Variants in PDS5B observed in about 807,000 individuals in gnomAD.
The protein encoded by PDS5B is sister chromatid cohesion protein PDS5 homolog B.
A neutral mutation model predicts 184.1 loss-of-function variants in PDS5B; 51 were observed. The ratio of observed to expected loss-of-function variants is 0.28; its 90% CI spans 0.22 to 0.35. The LOEUF (loss-of-function observed/expected upper bound fraction) is 0.35, where lower values mean the gene tolerates loss of function less well. Ranked by LOEUF, PDS5B falls within the 10% of genes least tolerant of loss-of-function variation. The pLI is 1.00. For missense variants in PDS5B, 1,180 were observed against 1,723.3 expected, an observed-to-expected ratio of 0.68 and a Z score of 5.58; for synonymous variants, 566 against 569.2, an observed-to-expected ratio of 0.99 and a Z score of 0.08.
intron 15 of PDS5B, among the ~76,000 whole-genome samples, chr13:32,697,574 T>G (rs1951741698): frequency 6.6e-6 from 1 of 152,220 alleles, no homozygotes. Flanking sequence ...CTCACTGGTT[T>G]TTGGATTAAG....
intron 24 of PDS5B, among the ~76,000 whole-genome samples, chr13:32,749,254 C>G (rs1352965250): frequency 2.0e-5 from 3 of 152,162 alleles, no homozygotes; most frequent in Non-Finnish European, 4.4e-5. Context: ...TTCCACACAT[C>G]CAACCTAACC....
At chr13:32,758,689 T>TA in intron 28 of PDS5B, 36 bp downstream of exon 28, 1 of 1,602,770 alleles carries the variant, frequency 6.2e-7, no homozygotes, top group Non-Finnish European at 8.5e-7. Flanking sequence ...TAAGTTGAAA[T>TA]AAAATGTATT....
intron 1 of PDS5B, among the ~76,000 whole-genome samples, chr13:32,632,463 A>G (rs2058473293): frequency 6.6e-6 from 1 of 152,236 alleles, no homozygotes; most frequent in East Asian, 1.9e-4. Context: ...TAATGAGGTT[A>G]CACTGCATAC....
intron 1 of PDS5B, among the ~76,000 whole-genome samples, chr13:32,642,010 TA>T (rs150350509): frequency 8.4e-4 from 128 of 152,300 alleles, no homozygotes; most frequent in African/African-American, 3.0e-3. Flanking sequence ...AATATTTAAA[TA>T]AATGGCCTTC....
chr13:32,735,127 G>T, intron 20 of PDS5B, 45 bp from the exon 21 acceptor site: 2 of 1,202,154 alleles, frequency 1.7e-6, no homozygotes, highest in South Asian at 1.9e-5. Context: ...CAGTTTATTT[G>T]TATATGTGTA....
intron 19 of PDS5B, among the ~76,000 whole-genome samples, chr13:32,728,399 A>AT (rs991825326): frequency 1.3e-5 from 2 of 151,890 alleles, no homozygotes; most frequent in African/African-American, 4.8e-5. Context: ...TGTTGAGGGA[A>AT]TTTTTTGTCT....
chr13:32,750,879 G>A (rs1953957513), intron 24 of PDS5B, among the ~76,000 whole-genome samples: 1 of 150,640 alleles, frequency 6.6e-6, no homozygotes, highest in East Asian at 1.9e-4. Flanking sequence ...GTGTGTGTGT[G>A]TGTGTGTGTT....
Position 32,651,978 on chromosome 13 carries a change from G to A in PDS5B, c.283G>A (p.Ala95Thr), listed in dbSNP as rs200754284. The A allele has an allele frequency of 6.2e-7, 1 of 1,613,106 alleles. No individual in the cohort carries two copies. The highest frequency in any genetic ancestry group is 8.5e-7 in the Non-Finnish European group (1 of 1,179,200). ...TATTTTCAGGATTTATGCTCCTGAA[G>A]CTCCTTACACATCCCCTGATAAACT... ...ADIFRIYAPE[A>T]PYTSPDKLKD... The change falls in exon 3 of 35, where the codon GCT becomes ACT. Residue 95 changes from alanine (A) to threonine (T), a missense_variant. By Grantham distance (58) the Ala-to-Thr change is moderately conservative. Around this residue, in one of 11 missense-constraint regions of PDS5B, gnomAD observed 0 missense variants for 20.1 expected, o/e 0.00. Transcript: ENST00000315596.
chr13:32,702,492 G>A (rs1951891000), intron 17 of PDS5B, among the ~76,000 whole-genome samples: 1 of 152,136 alleles, frequency 6.6e-6, no homozygotes, highest in Non-Finnish European at 1.5e-5. Context: ...TCTGTCAGTA[G>A]TGGAATAAAG....
chr13:32,653,556 A>G lies in PDS5B; in HGVS notation c.312+1549A>G, dbSNP rs115084228. Among the ~76,000 whole-genome samples, 931 of 152,250 alleles carry G rather than the reference A, an allele frequency of 6.1e-3. 16 individuals are homozygous for G. The highest frequency in any genetic ancestry group is 0.022 in the African/African-American group (897 of 41,564). On this transcript the variant is annotated intron_variant, in intron 3 of 34. Coordinates refer to ENST00000315596, the MANE Select transcript of PDS5B (RefSeq NM_015032.4). ...CCACAATTCAAGTAGAGGATGTGCA[A>G]CCTGTTTTGGGCATGCTTGTTTTAA...
chr13:32,699,926 C>G, intron 16 of PDS5B, 57 bp downstream of exon 16: 1 of 1,456,644 alleles, frequency 6.9e-7, no homozygotes, highest in Non-Finnish European at 9.1e-7. Flanking sequence ...TTTATTGTTT[C>G]TCTCTTTTAT....
chr13:32,622,995 T>A (rs2058323323), intron 1 of PDS5B, among the ~76,000 whole-genome samples: 1 of 152,162 alleles, frequency 6.6e-6, no homozygotes. Flanking sequence ...CTAGGGTTTT[T>A]AAGGGTGGTT....
At chr13:32,681,879 A>G (rs1951257459) in intron 10 of PDS5B, among the ~76,000 whole-genome samples, 2 of 152,244 alleles carry the variant, frequency 1.3e-5, no homozygotes, top group African/African-American at 2.4e-5. Flanking sequence ...AAATGAATAG[A>G]TAAAACAATC....
At chr13:32,593,452 T>C (rs2057807150) in intron 1 of PDS5B, among the ~76,000 whole-genome samples, 1 of 152,198 alleles carries the variant, frequency 6.6e-6, no homozygotes, top group Admixed American at 6.5e-5. Context: ...GCGACTCTCA[T>C]GTCTCAGCCT....
intron 1 of PDS5B, among the ~76,000 whole-genome samples, chr13:32,602,239 C>A (rs1210057932): frequency 6.6e-6 from 1 of 152,048 alleles, no homozygotes; most frequent in African/African-American, 2.4e-5. Flanking sequence ...CTATCCCTCT[C>A]CCCTCCCTTC....
chr13:32,618,865 AC>A (rs1365574610), intron 1 of PDS5B, among the ~76,000 whole-genome samples: 20 of 151,914 alleles, frequency 1.3e-4, no homozygotes, highest in Non-Finnish European at 2.5e-4. Context: ...ATTGATACTT[AC>A]TTTTTGCCAT....
intron 7 of PDS5B, among the ~76,000 whole-genome samples, chr13:32,668,763 G>A (rs1041436546): frequency 1.3e-5 from 2 of 152,108 alleles, no homozygotes; most frequent in Non-Finnish European, 1.5e-5. Flanking sequence ...AAATTTGAGG[G>A]AGAGTTTTTC....
At chr13:32,620,356 G>GT (rs1041535767) in intron 1 of PDS5B, among the ~76,000 whole-genome samples, 7 of 152,058 alleles carry the variant, frequency 4.6e-5, no homozygotes, top group African/African-American at 1.7e-4. Flanking sequence ...GGGTCCTTTG[G>GT]TAACTGTTAA....
intron 12 of PDS5B, 33 bp from the exon 13 acceptor site, chr13:32,688,423 A>C (rs1375865478): frequency 9.0e-7 from 1 of 1,107,198 alleles, no homozygotes. Context: ...ATTAGAAAAA[A>C]ATCAATACAA....
Sources: gnomAD v4.1 joint callset for allele counts (sites outside exome capture counted in the v4.1 genomes callset) on GRCh38, gnomAD v4.1.1 for gene constraint, gnomAD v4.1.1 regional missense constraint, MANE v1.5 for transcripts, NCBI Gene and HGNC (gene_info 2026-07-23, HGNC 2026-07-21) for gene names.